JAZF1: variants seen among roughly 807,000 people sequenced by gnomAD.
The protein encoded by JAZF1 is JAZF zinc finger 1, also known as juxtaposed with another zinc finger protein 1.
In JAZF1, 8 loss-of-function variants were observed where a neutral mutation model predicts 26.4. That is an observed-to-expected ratio of 0.30 (90% CI 0.18 to 0.55). The LOEUF is 0.55. Ranked by LOEUF, JAZF1 falls within the 20% of genes least tolerant of loss-of-function variation. The pLI is 0.94. For synonymous variants in JAZF1, 126 were observed against 122.3 expected, an observed-to-expected ratio of 1.03 and a Z score of -0.20; for missense variants, 199 against 322.0, an observed-to-expected ratio of 0.62 and a Z score of 2.92.
chr7:27,975,115 A>G (rs2107822), intron 2 of JAZF1, among the ~76,000 whole-genome samples: 124,704 of 151,614 alleles, frequency 0.82, 51,942 homozygotes, highest in African/African-American at 0.94. Context: ...TCGATCTTCT[A>G]ACCTCATGAT....
intron 1 of JAZF1, among the ~76,000 whole-genome samples, chr7:28,079,378 C>A (rs1371312363): frequency 1.3e-5 from 2 of 152,180 alleles, no homozygotes; most frequent in Non-Finnish European, 2.9e-5. Context: ...GGAGCTGCCT[C>A]CCGCTTCTGT....
chr7:28,141,009 G>GT (rs2127945562), intron 1 of JAZF1, among the ~76,000 whole-genome samples: 1 of 152,294 alleles, frequency 6.6e-6, no homozygotes, highest in South Asian at 2.1e-4. Context: ...TGAATATCTG[G>GT]TGGCAATGTG....
At chr7:27,979,155 T>C (rs576038035) in intron 2 of JAZF1, among the ~76,000 whole-genome samples, 1 of 152,154 alleles carries the variant, frequency 6.6e-6, no homozygotes, top group African/African-American at 2.4e-5. Flanking sequence ...AAGAACATAG[T>C]ATATTTTTGT....
rs71555731 is a variant in JAZF1, at chr7:28,056,475, C to CACACACACAA, written c.116-64495_116-64494insTTGTGTGTGT. ...ACACACACACACACACACACACACA[C>CACACACACAA]AATAAGAAAGAAATTCTTGAGGCTG... On this transcript the variant is annotated intron_variant, in intron 1 of 4. Transcript: ENST00000283928. 1.4e-3 allele frequency among the ~76,000 whole-genome samples: 169 copies of CACACACACAA among 120,000 alleles called. 6 individuals are homozygous for CACACACACAA. The highest frequency in any genetic ancestry group is 7.5e-3 in the South Asian group (27 of 3,594). The allele number at this position is 120,000 out of a possible 152,430, so 78.7% of individuals were successfully genotyped here. A position where few individuals can be genotyped will look rare whatever the true frequency, so the allele number is the denominator to read the frequency against.
At chr7:28,064,022 T>C (rs1052618771) in intron 1 of JAZF1, among the ~76,000 whole-genome samples, 1 of 152,038 alleles carries the variant, frequency 6.6e-6, no homozygotes, top group Non-Finnish European at 1.5e-5. Flanking sequence ...ATTTTTTCTC[T>C]TCCCAAAATA....
chr7:27,982,938 G>T (rs531684889), intron 2 of JAZF1, among the ~76,000 whole-genome samples: 3 of 152,324 alleles, frequency 2.0e-5, no homozygotes, highest in South Asian at 4.1e-4. Flanking sequence ...AACCCCATCT[G>T]TACGTCACCA....
intron 1 of JAZF1, among the ~76,000 whole-genome samples, chr7:28,128,029 T>C (rs1253994612): frequency 6.6e-6 from 1 of 152,112 alleles, no homozygotes; most frequent in Non-Finnish European, 1.5e-5. Context: ...TTCGGTGGCC[T>C]ACCACTCAAT....
intron 2 of JAZF1, among the ~76,000 whole-genome samples, chr7:27,958,273 T>C (rs895860622): frequency 2.0e-5 from 3 of 152,214 alleles, no homozygotes; most frequent in African/African-American, 7.2e-5. Context: ...GCTCAAAATG[T>C]GCCTCATTAA....
Position 27,840,884 on chromosome 7 carries a change from G to C in JAZF1, c.386-17C>G. The C allele has an allele frequency of 6.2e-7, 1 of 1,613,134 alleles. No individual in the cohort carries two copies. The highest frequency in any genetic ancestry group is 8.5e-7 in the Non-Finnish European group (1 of 1,179,534). ...ACTCGCTGCCTGCAGGACAAGAGAA[G>C]TGCAAGGACTGTCAGGAGCGCTCAT... On this transcript the variant is annotated splice_polypyrimidine_tract_variant and intron_variant, in intron 3 of 4. Transcript: ENST00000283928. This position sits in a 1 kb window ranked among gnomAD's most constrained non-coding sequence, Gnocchi z 5.1.
intron 1 of JAZF1, among the ~76,000 whole-genome samples, chr7:28,079,085 G>A (rs1271297097): frequency 6.6e-6 from 1 of 151,798 alleles, no homozygotes; most frequent in Non-Finnish European, 1.5e-5. Context: ...CACTTCTCAG[G>A]TTCAAGCAAT....
At position 27,935,259 on chromosome 7, in the gene JAZF1, C is replaced by T. The variant is rs76312834; in HGVS notation, c.189-39843G>A. On this transcript the variant is annotated intron_variant, in intron 2 of 4. Transcript: ENST00000283928. ...ACCTATTGTTGGTGGGAATGTTAAA[C>T]GGTGCAGCTGCTTTGGAAAATAGTT... Among the ~76,000 whole-genome samples the T allele has an allele frequency of 8.6e-3, 1,314 of 152,278 alleles. 21 individuals are homozygous for T. The highest frequency in any genetic ancestry group is 0.031 in the Middle Eastern group (9 of 294).
At chr7:28,077,612 T>C (rs1228499559) in intron 1 of JAZF1, among the ~76,000 whole-genome samples, 1 of 152,070 alleles carries the variant, frequency 6.6e-6, no homozygotes, top group Non-Finnish European at 1.5e-5. Flanking sequence ...TAGAATAAAT[T>C]TGGTATATAA....
chr7:27,839,391 G>GTCACA (rs1782880035), intron 4 of JAZF1, among the ~76,000 whole-genome samples: 1 of 152,172 alleles, frequency 6.6e-6, no homozygotes, highest in Admixed American at 6.5e-5. Context: ...CAAGAAAGAA[G>GTCACA]GAAAAAGTCT....
chr7:27,974,628 G>C (rs1785436065), intron 2 of JAZF1, among the ~76,000 whole-genome samples: 1 of 152,288 alleles, frequency 6.6e-6, no homozygotes, highest in Non-Finnish European at 1.5e-5. Context: ...CGTCCACTAA[G>C]TAGAGAGGCA....
chr7:28,130,066 T>C (rs1304301036), intron 1 of JAZF1, among the ~76,000 whole-genome samples: 1 of 152,224 alleles, frequency 6.6e-6, no homozygotes, highest in Admixed American at 6.5e-5. Flanking sequence ...ATGTCACTTG[T>C]ACAAGTATGC....
intron 3 of JAZF1, among the ~76,000 whole-genome samples, chr7:27,844,736 C>T (rs1364619241): frequency 6.6e-6 from 1 of 151,940 alleles, no homozygotes; most frequent in African/African-American, 2.4e-5. Context: ...GAATTAATAC[C>T]CCCTTCTCGC....
chr7:27,914,671 T>C (rs1299775110), intron 2 of JAZF1: 1 of 465,524 alleles, frequency 2.1e-6, no homozygotes, highest in South Asian at 1.6e-5. Flanking sequence ...ACCTTGCAAT[T>C]GTTACTAGAT....
intron 1 of JAZF1, among the ~76,000 whole-genome samples, chr7:28,041,135 G>A (rs10486574): frequency 0.054 from 8,178 of 152,184 alleles, 390 homozygotes; most frequent in African/African-American, 0.12. Context: ...AGTATTTGGA[G>A]AACGTAAGAG....
intron 1 of JAZF1, among the ~76,000 whole-genome samples, chr7:28,035,867 T>C (rs894902336): frequency 2.0e-5 from 3 of 152,136 alleles, no homozygotes; most frequent in Admixed American, 6.5e-5. Flanking sequence ...GAACAGACCA[T>C]AGACATGTAT....
Sources: allele counts gnomAD v4.1 joint callset (sites outside exome capture counted in the v4.1 genomes callset), GRCh38; gene constraint gnomAD v4.1.1; non-coding constraint Gnocchi (gnomAD v3.1); transcripts MANE v1.5; gene names NCBI Gene and HGNC (gene_info 2026-07-23, HGNC 2026-07-21).